The following SYN2 variants were observed in gnomAD, a reference collection of about 807,000 sequenced individuals.
SYN2 encodes the protein synapsin-2.
In SYN2, 19 loss-of-function variants were observed where a neutral mutation model predicts 50.9. The observed-to-expected ratio is 0.37, with a 90% CI of 0.26 to 0.55. SYN2 has a LOEUF of 0.55. SYN2 is among the 20% of genes least tolerant of loss of function. The pLI is 0.81. For missense variants in SYN2, 587 were observed against 576.4 expected (o/e 1.02, Z -0.19); for synonymous variants, 255 against 224.9 (o/e 1.13, Z -1.20).
chr3:12,187,333 G>A, intron 11 of SYN2, 36 bp from the exon 12 acceptor site: 2 of 1,492,428 alleles, frequency 1.3e-6, no homozygotes, highest in Non-Finnish European at 1.8e-6. Context: ...ATTTTTATAT[G>A]GTTAAATTAT....
chr3:12,165,919 C>T (rs765999587), intron 7 of SYN2, among the ~76,000 whole-genome samples: 2 of 151,262 alleles, frequency 1.3e-5, no homozygotes, highest in Admixed American at 6.6e-5. Flanking sequence ...GGACTTTTAT[C>T]TCATACCTGT....
chr3:12,187,307 A>G (rs1698360707), intron 11 of SYN2, 62 bp from the exon 12 acceptor site: 1 of 1,468,558 alleles, frequency 6.8e-7, no homozygotes, highest in Non-Finnish European at 9.1e-7. Context: ...TGAGGCATAA[A>G]TTCTAATAAG....
Position 12,191,021 on chromosome 3 carries a change from C to T in SYN2, c.*396C>T, listed in dbSNP as rs1248471460. ...AGTTGCAGTGCTAAGCATGCCCCGC[C>T]CCCATTCAGTGATACCTGTTTGGGA... On this transcript the variant is annotated 3_prime_UTR_variant, in exon 13 of 13. Coordinates refer to ENST00000621198, the MANE Select transcript of SYN2 (RefSeq NM_133625.6). 9.0e-6 allele frequency: 9 copies of T among 998,874 alleles called. No homozygotes were observed. Among genetic ancestry groups the T allele is most frequent in the Non-Finnish European group, 1.1e-5 (9 of 839,328 alleles). The allele number at this position is 998,874 out of a possible 1,614,324, so 61.9% of individuals were successfully genotyped here. A position where few individuals can be genotyped will look rare whatever the true frequency, so the allele number is the denominator to read the frequency against.
intron 1 of SYN2, among the ~76,000 whole-genome samples, chr3:12,076,426 G>T (rs557993161): frequency 6.6e-6 from 1 of 151,548 alleles, no homozygotes. Context: ...TTTTGATTAC[G>T]GTAACATGAT....
chr3:12,119,719 A>G (rs1385949987), intron 1 of SYN2, among the ~76,000 whole-genome samples: 1 of 152,148 alleles, frequency 6.6e-6, no homozygotes, highest in Non-Finnish European at 1.5e-5. Flanking sequence ...ATGTCAGGAA[A>G]GCTTTTGGGA....
intron 11 of SYN2, chr3:12,185,077 T>G: frequency 2.0e-6 from 2 of 985,742 alleles, no homozygotes; most frequent in Non-Finnish European, 2.4e-6. Context: ...ATGCATTGAG[T>G]GTGAATGTTG....
chr3:12,172,058 G>A (rs1053971787), intron 10 of SYN2, among the ~76,000 whole-genome samples: 22 of 152,150 alleles, frequency 1.4e-4, no homozygotes, highest in Non-Finnish European at 2.9e-5. Flanking sequence ...TCAAGGATAA[G>A]GTTGAGCTTT....
At chr3:12,157,402 C>T in intron 5 of SYN2, 1 of 1,614,190 alleles carries the variant, frequency 6.2e-7, no homozygotes, top group Non-Finnish European at 8.5e-7. Flanking sequence ...TGTTTGATTT[C>T]ATACCGGAGC....
At chr3:12,142,322 C>A (rs1280128307) in intron 3 of SYN2, among the ~76,000 whole-genome samples, 2 of 152,172 alleles carry the variant, frequency 1.3e-5, no homozygotes, top group Non-Finnish European at 2.9e-5. Flanking sequence ...CATACATTTC[C>A]CTTGGAAAAC....
intron 1 of SYN2, among the ~76,000 whole-genome samples, chr3:12,131,402 T>C (rs541924955): frequency 6.6e-6 from 1 of 152,342 alleles, no homozygotes; most frequent in South Asian, 2.1e-4. Context: ...TTCAAGATGC[T>C]AGGAGCCTTA....
intron 5 of SYN2, chr3:12,156,923 C>T: frequency 1.2e-6 from 2 of 1,613,636 alleles, no homozygotes; most frequent in Non-Finnish European, 1.7e-6. Context: ...CTTTCTCAAA[C>T]CCTTTGAACA....
intron 1 of SYN2, among the ~76,000 whole-genome samples, chr3:12,069,244 CTT>C (rs57716121): frequency 2.9e-3 from 368 of 128,234 alleles, no homozygotes; most frequent in Middle Eastern, 4.1e-3. Context: ...ATTGTATGAC[CTT>C]TTTTTTTTTT....
intron 12 of SYN2, among the ~76,000 whole-genome samples, chr3:12,188,130 C>T (rs1168740991): frequency 6.6e-6 from 1 of 152,250 alleles, no homozygotes; most frequent in Non-Finnish European, 1.5e-5. Flanking sequence ...TCCATTTCAA[C>T]ATTTTACCTT....
At chr3:12,116,511 A>G (rs1215190233) in intron 1 of SYN2, among the ~76,000 whole-genome samples, 2 of 152,166 alleles carry the variant, frequency 1.3e-5, no homozygotes, top group African/African-American at 4.8e-5. Flanking sequence ...TGGCCAGAAT[A>G]TCCACTGTCT....
intron 5 of SYN2, chr3:12,158,681 C>T (rs2125232751): frequency 6.2e-7 from 1 of 1,609,006 alleles, no homozygotes; most frequent in Non-Finnish European, 8.5e-7. Context: ...CTGCTGTGGA[C>T]CTCGCGGACC....
chr3:12,024,323 A>AT (rs1014982065), intron 1 of SYN2, among the ~76,000 whole-genome samples: 2 of 151,194 alleles, frequency 1.3e-5, no homozygotes, highest in African/African-American at 2.4e-5. Context: ...CGCCCAGCTA[A>AT]TTTTTTTTGT....
chr3:12,052,211 A>G (rs1694880373), intron 1 of SYN2, among the ~76,000 whole-genome samples: 1 of 152,154 alleles, frequency 6.6e-6, no homozygotes, highest in African/African-American at 2.4e-5. Flanking sequence ...GTCTCACAGT[A>G]TCTGTAAAGT....
intron 10 of SYN2, among the ~76,000 whole-genome samples, chr3:12,172,756 C>T (rs759892664): frequency 2.4e-4 from 37 of 152,310 alleles, no homozygotes; most frequent in Middle Eastern, 3.4e-3. Context: ...GAGGGGCCCA[C>T]TGTGAGTGAC....
At chr3:12,096,800 T>C (rs900059403) in intron 1 of SYN2, among the ~76,000 whole-genome samples, 4 of 151,980 alleles carry the variant, frequency 2.6e-5, no homozygotes, top group Non-Finnish European at 5.9e-5. Flanking sequence ...GTTAAATAGA[T>C]TTAAGCAGGA....
Sources: allele counts gnomAD v4.1 joint callset (sites outside exome capture counted in the v4.1 genomes callset), GRCh38; gene constraint gnomAD v4.1.1; transcripts MANE v1.5; gene names NCBI Gene and HGNC (gene_info 2026-07-23, HGNC 2026-07-21).